The following IGFBP2 variants were observed in gnomAD, a reference collection of about 807,000 sequenced individuals.
IGFBP2 encodes insulin like growth factor binding protein 2.
A neutral mutation model predicts 26.2 loss-of-function variants in IGFBP2; 12 were observed. The ratio of observed to expected loss-of-function variants is 0.46; its 90% CI spans 0.29 to 0.74. The LOEUF is 0.74. IGFBP2 is among the 30% of genes least tolerant of loss of function. The pLI, the probability that IGFBP2 is intolerant of heterozygous loss-of-function variation, is 0.09. For missense variants in IGFBP2, 328 were observed against 441.2 expected, an observed-to-expected ratio of 0.74 and a Z score of 2.30; for synonymous variants, 189 against 200.6, an observed-to-expected ratio of 0.94 and a Z score of 0.49.
chr2:216,637,637 T>A (rs1697527381), intron 1 of IGFBP2, among the ~76,000 whole-genome samples: 1 of 152,228 alleles, frequency 6.6e-6, no homozygotes, highest in Non-Finnish European at 1.5e-5. Context: ...TGTTAAGGAA[T>A]CTGAGAAAAG....
chr2:216,633,940 T>C lies in IGFBP2; in HGVS notation c.417T>C (p.Tyr139=), dbSNP rs760932925. 14 of 1,603,358 alleles carry C rather than the reference T, an allele frequency of 8.7e-6. No homozygotes were observed. The African/African-American group carries it at 1.7e-4, about 20-fold the overall frequency. The stretch of plus-strand genomic sequence containing the variant: ...GTGAGAAGCGCCGGGACGCCGAGTA[T>C]GGCGCCAGCCCGGAGCAGGTTGCAG... ...GTCEKRRDAE[Y]GASPEQVADN... The change falls in exon 1 of 4, where the codon TAT becomes TAC. Residue 139 remains tyrosine (Y), a synonymous_variant. Coordinates refer to ENST00000233809, the MANE Select transcript of IGFBP2 (RefSeq NM_000597.3).
chr2:216,635,039 A>G lies in IGFBP2; in HGVS notation c.442+1074A>G, dbSNP rs1105197. Among the ~76,000 whole-genome samples, 252 of 152,020 alleles carry G rather than the reference A, an allele frequency of 1.7e-3. 3 individuals are homozygous for G. Among genetic ancestry groups the G allele is most frequent in the African/African-American group, 5.5e-3 (229 of 41,474 alleles). On this transcript the variant is annotated intron_variant, in intron 1 of 3. Coordinates refer to ENST00000233809, the MANE Select transcript of IGFBP2 (RefSeq NM_000597.3). Reference sequence around the variant, plus strand: ...AAGCAAGTGAGTCTTAAGTTTCTCAAACTTAAAAAGAAAAAGTGAAAAGAA... The same window carrying G: ...AAGCAAGTGAGTCTTAAGTTTCTCAGACTTAAAAAGAAAAAGTGAAAAGAA...
chr2:216,653,111 C>T (rs1697858424), intron 1 of IGFBP2, among the ~76,000 whole-genome samples: 2 of 152,248 alleles, frequency 1.3e-5, no homozygotes, highest in African/African-American at 2.4e-5. Flanking sequence ...ATTTCCTCAC[C>T]AGGTCTGGAT....
chr2:216,638,027 C>T (rs994845630), intron 1 of IGFBP2, among the ~76,000 whole-genome samples: 5 of 151,804 alleles, frequency 3.3e-5, no homozygotes, highest in Non-Finnish European at 5.9e-5. Context: ...TTCTCTGCTA[C>T]AAATACAAAA....
At chr2:216,636,964 C>T (rs1697510970) in intron 1 of IGFBP2, among the ~76,000 whole-genome samples, 1 of 151,366 alleles carries the variant, frequency 6.6e-6, no homozygotes, top group South Asian at 2.1e-4. Flanking sequence ...TGGGGAGGCT[C>T]TGCATCTGCA....
At chr2:216,649,379 T>TTGTAGTTTTACAACTACAA (rs1697774902) in intron 1 of IGFBP2, among the ~76,000 whole-genome samples, 1 of 152,220 alleles carries the variant, frequency 6.6e-6, no homozygotes, top group African/African-American at 2.4e-5. Flanking sequence ...CAAGTAATGC[T>TTGTAGTTTTACAACTACAA]GTAATGACCA....
rs368956859 is a variant in IGFBP2 at position 216,661,920 on chromosome 2, T to A, written c.735T>A (p.Asp245Glu). 1.2e-5 allele frequency: 20 copies of A among 1,614,064 alleles called. No individual in the cohort carries two copies. In the African/African-American group the frequency reaches 2.7e-4, roughly 22 times the overall value. Reference protein sequence around the residue: ...LERISTMRLPDERGPLEHLYS... With the variant: ...LERISTMRLPEERGPLEHLYS... ...GGATCTCCACCATGCGCCTTCCGGA[T>A]GAGCGGGGCCCTCTGGAGCACCTCT... Residue 245 changes from aspartate to glutamate, a missense_variant, in exon 3 of 4, where the codon GAT becomes GAA. Transcript: ENST00000233809.
At chr2:216,649,828 G>T (rs1307425044) in intron 1 of IGFBP2, among the ~76,000 whole-genome samples, 1 of 152,202 alleles carries the variant, frequency 6.6e-6, no homozygotes, top group Non-Finnish European at 1.5e-5. Flanking sequence ...GAGAGGCTGT[G>T]CTGTTTCTGT....
chr2:216,650,765 A>G (rs1242310933), intron 1 of IGFBP2, among the ~76,000 whole-genome samples: 1 of 152,164 alleles, frequency 6.6e-6, no homozygotes, highest in East Asian at 1.9e-4. Flanking sequence ...GTTTGCAGTT[A>G]TTTACTACCA....
chr2:216,659,284 A>G (rs1186467867), intron 1 of IGFBP2, among the ~76,000 whole-genome samples: 3 of 152,024 alleles, frequency 2.0e-5, no homozygotes, highest in Non-Finnish European at 4.4e-5. Flanking sequence ...GTGAGTGAAT[A>G]CTCTTGTATA....
intron 1 of IGFBP2, among the ~76,000 whole-genome samples, chr2:216,648,138 G>A (rs989880317): frequency 6.6e-6 from 1 of 152,162 alleles, no homozygotes; most frequent in Non-Finnish European, 1.5e-5. Context: ...GATCTCTCCT[G>A]TTTTAGTTTA....
intron 2 of IGFBP2, chr2:216,661,540 A>G (rs1334698870): frequency 4.6e-6 from 2 of 430,696 alleles, no homozygotes; most frequent in Non-Finnish European, 4.4e-6. Flanking sequence ...GGGTGGGGGC[A>G]TGGAGACTCG....
chr2:216,659,582 T>G lies in IGFBP2; in HGVS notation c.443-975T>G. 3 of 700,928 alleles carry G rather than the reference T, an allele frequency of 4.3e-6. No homozygotes were observed. The South Asian group carries it at 4.7e-5, about 11-fold the overall frequency. The allele number at this position is 700,928 out of a possible 1,614,324, so 43.4% of individuals were successfully genotyped here. A position where few individuals can be genotyped will look rare whatever the true frequency, so the allele number is the denominator to read the frequency against. On this transcript the variant is annotated intron_variant, in intron 1 of 3. Coordinates refer to ENST00000233809, the MANE Select transcript of IGFBP2 (RefSeq NM_000597.3). ...TCTGCCGTGCGATTCAGATCCTCTC[T>G]GCCTCCTTTGGCTGGACGTGCCTCA... is the stretch of plus-strand genomic sequence containing the variant.
At position 216,640,074 on chromosome 2, in the gene IGFBP2, T is replaced by G. The variant is rs992725845; in HGVS notation, c.442+6109T>G. Among the ~76,000 whole-genome samples, 7 of 152,296 alleles carry G rather than the reference T, an allele frequency of 4.6e-5. No homozygotes were observed. The South Asian group carries it at 1.2e-3, about 27-fold the overall frequency. ...CCTCTTTGTCCCTGCAGACCATTCT[T>G]TCCTTTCCCACACTTCTCCCTTCCA... On this transcript the variant is annotated intron_variant, in intron 1 of 3. Coordinates refer to ENST00000233809, the MANE Select transcript of IGFBP2 (RefSeq NM_000597.3).
intron 1 of IGFBP2, among the ~76,000 whole-genome samples, chr2:216,657,096 T>C (rs967478600): frequency 6.6e-6 from 1 of 151,826 alleles, no homozygotes; most frequent in Non-Finnish European, 1.5e-5. Context: ...TGGGAGGGAG[T>C]CAAAGGGCTC....
intron 1 of IGFBP2, chr2:216,659,603 C>T: frequency 1.3e-6 from 1 of 799,566 alleles, no homozygotes; most frequent in Non-Finnish European, 2.1e-6. Flanking sequence ...GCTGGACGTG[C>T]CTCAGCCAGA....
intron 1 of IGFBP2, among the ~76,000 whole-genome samples, chr2:216,658,503 G>T (rs537797158): frequency 6.2e-4 from 94 of 151,856 alleles, no homozygotes; most frequent in Non-Finnish European, 8.2e-4. Context: ...CATGGATATA[G>T]AATTTCTGTG....
intron 1 of IGFBP2, among the ~76,000 whole-genome samples, chr2:216,642,858 CT>C (rs1697643518): frequency 1.3e-5 from 2 of 152,142 alleles, no homozygotes; most frequent in Non-Finnish European, 2.9e-5. Flanking sequence ...AAGACCTAGC[CT>C]TCTGGCTGTC....
At chr2:216,634,613 T>A (rs975726224) in intron 1 of IGFBP2, among the ~76,000 whole-genome samples, 5 of 152,162 alleles carry the variant, frequency 3.3e-5, no homozygotes, top group African/African-American at 1.2e-4. Context: ...AGGGAGGCAT[T>A]TGGTAGGCGA....
Sources: gnomAD v4.1 joint callset for allele counts (sites outside exome capture counted in the v4.1 genomes callset) on GRCh38, gnomAD v4.1.1 for gene constraint, MANE v1.5 for transcripts, NCBI Gene and HGNC (gene_info 2026-07-23, HGNC 2026-07-21) for gene names.